Variants in DLGAP1 observed in about 807,000 individuals in gnomAD.
The protein encoded by DLGAP1 is DLG associated protein 1, also known as disks large-associated protein 1.
DLGAP1 carries 11 observed loss-of-function variants against 90.8 expected under a neutral mutation model. The ratio of observed to expected loss-of-function variants is 0.12; its 90% CI spans 0.08 to 0.20. The LOEUF (loss-of-function observed/expected upper bound fraction) is 0.20. DLGAP1 is among the 10% of genes least tolerant of loss of function. DLGAP1 has a pLI of 1.00. For missense variants in DLGAP1, 1,050 were observed against 1,333.8 expected (o/e 0.79, Z 3.31); for synonymous variants, 558 against 540.7 (o/e 1.03, Z -0.44).
At chr18:3,822,992 T>C (rs1457308020) in intron 4 of DLGAP1, among the ~76,000 whole-genome samples, 3 of 152,142 alleles carry the variant, frequency 2.0e-5, no homozygotes, top group African/African-American at 7.2e-5. Flanking sequence ...GATTCTAGTA[T>C]GATGTAGGGA....
intron 1 of DLGAP1, among the ~76,000 whole-genome samples, chr18:4,349,421 T>C (rs546362520): frequency 2.0e-4 from 31 of 152,014 alleles, no homozygotes; most frequent in South Asian, 1.0e-3. Flanking sequence ...CTGGATTGGA[T>C]CTTAATACAG....
intron 1 of DLGAP1, among the ~76,000 whole-genome samples, chr18:4,193,672 A>T (rs968198291): frequency 4.6e-5 from 7 of 152,218 alleles, no homozygotes; most frequent in Admixed American, 3.3e-4. Flanking sequence ...TTTGGAGAAA[A>T]ATATGACTTC....
At chr18:3,901,635 G>C (rs16945616) in intron 3 of DLGAP1, among the ~76,000 whole-genome samples, 4,164 of 152,120 alleles carry the variant, frequency 0.027, 68 homozygotes, top group African/African-American at 0.038. Context: ...ACATCCTCAT[G>C]GGTGGCAATA....
chr18:4,279,222 A>T (rs2079491810), intron 1 of DLGAP1, among the ~76,000 whole-genome samples: 1 of 152,250 alleles, frequency 6.6e-6, no homozygotes, highest in Non-Finnish European at 1.5e-5. Context: ...AACAGGGATA[A>T]TAACACTTCA....
chr18:4,048,781 AG>A (rs941324708), intron 2 of DLGAP1, among the ~76,000 whole-genome samples: 1 of 152,264 alleles, frequency 6.6e-6, no homozygotes, highest in Non-Finnish European at 1.5e-5. Flanking sequence ...GGGATGAAAA[AG>A]AAAAGCTGAC....
intron 1 of DLGAP1, among the ~76,000 whole-genome samples, chr18:4,404,680 C>A (rs2082626122): frequency 6.6e-6 from 1 of 152,042 alleles, no homozygotes; most frequent in Non-Finnish European, 1.5e-5. Context: ...TTTTCAAAGT[C>A]TTTCAAAGGA....
intron 1 of DLGAP1, chr18:4,281,125 G>C (rs898194068): frequency 1.3e-4 from 20 of 152,166 alleles, no homozygotes; most frequent in African/African-American, 4.1e-4. Context: ...AGTAATACTT[G>C]TTGAGTACTA....
At chr18:4,201,387 C>T (rs2077603780) in intron 1 of DLGAP1, among the ~76,000 whole-genome samples, 1 of 151,962 alleles carries the variant, frequency 6.6e-6, no homozygotes, top group Admixed American at 6.6e-5. Context: ...GGGTCCTTTC[C>T]CCAATGTATG....
chr18:3,649,590 T>C (rs1362290881), intron 7 of DLGAP1, among the ~76,000 whole-genome samples: 2 of 152,194 alleles, frequency 1.3e-5, no homozygotes, highest in African/African-American at 4.8e-5. Context: ...GTTTAGTCTC[T>C]GCAACTGCCC....
rs768324492 is a variant in DLGAP1, at chr18:3,499,306, C to A, written c.2813G>T (p.Arg938Leu). 3.8e-6 allele frequency: 6 copies of A among 1,580,140 alleles called. No homozygotes were observed. Among genetic ancestry groups the A allele is most frequent in the Non-Finnish European group, 4.3e-6 (5 of 1,164,266 alleles). The change falls in exon 13 of 13, where the codon CGC becomes CTC. Residue 938 changes from arginine to leucine, a missense_variant. Around this residue, in one of 2 missense-constraint regions of DLGAP1, gnomAD observed 565 missense variants for 879.7 expected, o/e 0.64. Coordinates refer to ENST00000315677, the MANE Select transcript of DLGAP1 (RefSeq NM_004746.4). This position sits in a 1 kb window ranked among gnomAD's most constrained non-coding sequence, Gnocchi z 6.4. The part of the protein sequence containing the change: ...IRERSLESSQ[R>L]QEARKRLMAA... Reference sequence around the variant, plus strand: ...CATCAGGCGCTTGCGGGCCTCCTGGCGCTGCGAGCTCTCCAGCGAGCGCTC... The same window carrying A: ...CATCAGGCGCTTGCGGGCCTCCTGGAGCTGCGAGCTCTCCAGCGAGCGCTC...
chr18:4,009,829 C>T (rs1227398832), intron 2 of DLGAP1, among the ~76,000 whole-genome samples: 7 of 152,152 alleles, frequency 4.6e-5, no homozygotes, highest in Non-Finnish European at 8.8e-5. Context: ...AGTCTCCTCA[C>T]CGGACCAAGG....
chr18:4,438,043 G>A (rs2083445497), intron 1 of DLGAP1, among the ~76,000 whole-genome samples: 1 of 152,056 alleles, frequency 6.6e-6, no homozygotes, highest in African/African-American at 2.4e-5. Context: ...CTTTATACTA[G>A]GGCTAATTTT....
At chr18:3,932,178 T>C (rs1328089599) in intron 3 of DLGAP1, among the ~76,000 whole-genome samples, 1 of 152,116 alleles carries the variant, frequency 6.6e-6, no homozygotes, top group Non-Finnish European at 1.5e-5. Context: ...TCAATATCCA[T>C]TTGGGAAGGG....
intron 1 of DLGAP1, among the ~76,000 whole-genome samples, chr18:4,407,469 T>C (rs1312207004): frequency 1.3e-5 from 2 of 152,152 alleles, no homozygotes; most frequent in African/African-American, 2.4e-5. Flanking sequence ...CACTTGCAAG[T>C]AGAGTAGCAG....
chr18:4,341,794 G>T (rs1400945811), intron 1 of DLGAP1, among the ~76,000 whole-genome samples: 1 of 152,128 alleles, frequency 6.6e-6, no homozygotes, highest in Non-Finnish European at 1.5e-5. Context: ...ATTCATTTTA[G>T]CTCTTACTTG....
chr18:3,827,826 CTAAT>C (rs1388707554), intron 4 of DLGAP1, among the ~76,000 whole-genome samples: 6 of 152,160 alleles, frequency 3.9e-5, no homozygotes, highest in African/African-American at 1.4e-4. Flanking sequence ...TTCACTACCA[CTAAT>C]TAGTTGCTAC....
At chr18:3,639,236 G>T (rs528865212) in intron 7 of DLGAP1, among the ~76,000 whole-genome samples, 1 of 152,114 alleles carries the variant, frequency 6.6e-6, no homozygotes, top group East Asian at 1.9e-4. Flanking sequence ...GGTGCCTGTA[G>T]TCCCAGCTAC....
chr18:4,402,316 A>G lies in DLGAP1; in HGVS notation c.-267+52690T>C, dbSNP rs931008783. On this transcript the variant is annotated intron_variant, in intron 1 of 12. Coordinates refer to ENST00000315677, the MANE Select transcript of DLGAP1 (RefSeq NM_004746.4). ...TTTATAATGTTTCATTTAATCCACT[A>G]AATTTTAGGAAATTACTTTTAAATT... 2.6e-5 allele frequency among the ~76,000 whole-genome samples: 4 copies of G among 152,206 alleles called. No homozygotes were observed. The East Asian group carries it at 7.7e-4, about 29-fold the overall frequency.
intron 2 of DLGAP1, among the ~76,000 whole-genome samples, chr18:4,109,289 T>C (rs1024167058): frequency 6.6e-6 from 1 of 151,972 alleles, no homozygotes; most frequent in African/African-American, 2.4e-5. Flanking sequence ...GTAATTATAT[T>C]AGGCCCACTA....
Sources: gnomAD v4.1 joint callset for allele counts (sites outside exome capture counted in the v4.1 genomes callset) on GRCh38, gnomAD v4.1.1 for gene constraint, gnomAD v4.1.1 regional missense constraint, Gnocchi (gnomAD v3.1) non-coding constraint, MANE v1.5 for transcripts, NCBI Gene and HGNC (gene_info 2026-07-23, HGNC 2026-07-21) for gene names.